ALX4: variants seen among roughly 807,000 people sequenced by gnomAD.
ALX4 encodes ALX homeobox 4.
ALX4 carries 22 observed loss-of-function variants against 40.6 expected under a neutral mutation model. The observed-to-expected ratio is 0.54, with a 90% CI of 0.39 to 0.77. The LOEUF (loss-of-function observed/expected upper bound fraction) is 0.77. Ranked by LOEUF, ALX4 falls within the 30% of genes least tolerant of loss-of-function variation. The pLI is 0.00. For missense variants in ALX4, 556 were observed against 564.8 expected, an observed-to-expected ratio of 0.98 and a Z score of 0.16; for synonymous variants, 266 against 240.5, an observed-to-expected ratio of 1.11 and a Z score of -0.98.
chr11:44,272,205 G>A (rs78545593), intron 2 of ALX4, among the ~76,000 whole-genome samples: 5,995 of 152,280 alleles, frequency 0.039, 147 homozygotes, highest in African/African-American at 0.045. Context: ...GGCACTGGAG[G>A]GGAATAAAAT....
Position 44,293,166 on chromosome 11 carries a change from A to AG in ALX4, c.466+16430dup, listed in dbSNP as rs1956381736. ...AAGGAAGGAAGGAAGGAAGGAAGGA[A>AG]GGAAGCAGGCAGGCAGGGAGGGAGG... On this transcript the variant is annotated intron_variant, in intron 1 of 3. Coordinates refer to ENST00000652299, the MANE Select transcript of ALX4 (RefSeq NM_021926.4). Among the ~76,000 whole-genome samples, 3 of 11,856 alleles carry AG rather than the reference A, an allele frequency of 2.5e-4. 1 individual carries two copies. The highest frequency in any genetic ancestry group is 4.6e-4 in the Non-Finnish European group (3 of 6,520). The allele number at this position is 11,856 out of a possible 152,430, so 7.8% of individuals were successfully genotyped here. A position where few individuals can be genotyped will look rare whatever the true frequency, so the allele number is the denominator to read the frequency against.
intron 1 of ALX4, among the ~76,000 whole-genome samples, chr11:44,283,944 G>C (rs1327739944): frequency 6.6e-6 from 1 of 152,154 alleles, no homozygotes; most frequent in Non-Finnish European, 1.5e-5. Context: ...GAATATATCT[G>C]AACATGTGTG....
In ALX4 at chr11:44,288,980, C is replaced by G. The variant is rs548382358; in HGVS notation, c.467-13322G>C. 3.3e-5 allele frequency among the ~76,000 whole-genome samples: 5 copies of G among 152,302 alleles called. No individual in the cohort carries two copies. In the South Asian group the frequency reaches 1.0e-3, roughly 32 times the overall value. On this transcript the variant is annotated intron_variant, in intron 1 of 3. Coordinates refer to ENST00000652299, the MANE Select transcript of ALX4 (RefSeq NM_021926.4). ...GTCTGGAATTTGTCTTTCCTGTTCT[C>G]TCCCCCACCCTGTGTCTTGCCTTAC... is the stretch of plus-strand genomic sequence containing the variant.
chr11:44,304,439 C>A (rs1956454356), intron 1 of ALX4, among the ~76,000 whole-genome samples: 1 of 152,166 alleles, frequency 6.6e-6, no homozygotes, highest in East Asian at 1.9e-4. Context: ...CATACACTCC[C>A]CTACCCACCC....
At chr11:44,274,204 G>T (rs926100341) in intron 2 of ALX4, among the ~76,000 whole-genome samples, 1 of 152,186 alleles carries the variant, frequency 6.6e-6, no homozygotes, top group Non-Finnish European at 1.5e-5. Flanking sequence ...TGTAACAAAA[G>T]GTGAGCTGGT....
chr11:44,269,259 G>A (rs1191731241), intron 2 of ALX4, among the ~76,000 whole-genome samples: 2 of 152,244 alleles, frequency 1.3e-5, no homozygotes, highest in Admixed American at 6.5e-5. Context: ...TCTGCATGGC[G>A]AATGGTACCT....
intron 1 of ALX4, among the ~76,000 whole-genome samples, chr11:44,276,552 T>G (rs963483989): frequency 4.6e-5 from 7 of 151,824 alleles, no homozygotes; most frequent in Non-Finnish European, 1.5e-5. Flanking sequence ...GAGGCTGGGG[T>G]GGGAGAGTGA....
intron 2 of ALX4, among the ~76,000 whole-genome samples, chr11:44,274,233 G>T (rs1430463953): frequency 6.6e-6 from 1 of 152,160 alleles, no homozygotes; most frequent in Admixed American, 6.5e-5. Flanking sequence ...GTTGTGTTGG[G>T]TTGGGTTGAG....
intron 3 of ALX4, among the ~76,000 whole-genome samples, 178 bp from the exon 4 acceptor site, chr11:44,265,361 G>A (rs1013944231): frequency 6.6e-6 from 1 of 152,094 alleles, no homozygotes; most frequent in Non-Finnish European, 1.5e-5. Context: ...TTACACCTTG[G>A]CATCTCTGTT....
rs104894197 is a variant in ALX4 at position 44,275,505 on chromosome 11, G to A, written c.620C>T (p.Ser207Leu). 1.1e-5 allele frequency: 17 copies of A among 1,614,022 alleles called. No homozygotes were observed. The highest frequency in any genetic ancestry group is 2.2e-5 in the East Asian group (1 of 44,866). The change falls in exon 2 of 4, where the codon TCA (serine) becomes TTA (leucine). Residue 207 changes from serine (S) to leucine (L), a missense_variant. Transcript: ENST00000652299. ...CCGCTTCTTGCCCTTGTTGCTCTCT[G>A]AGTCGGCCTTCTCCAATGGGCTGGG... ...DLPSPLEKAD[S>L]ESNKGKKRRN... is the part of the protein sequence containing the mutation.
In ALX4 at chr11:44,260,826, AAT is replaced by A. The variant is rs2135302064; in HGVS notation, c.*4026_*4027del. ...AAAAGTTGCATTTATACAGGGTTAA[AAT>A]ATCTTACAATGAGAACAATAAGTAA... is the stretch of plus-strand genomic sequence containing the variant. On this transcript the variant is annotated 3_prime_UTR_variant, in exon 4 of 4. Transcript: ENST00000652299. The A allele has an allele frequency of 6.6e-6, 1 of 152,292 alleles. No homozygotes were observed. The highest frequency in any genetic ancestry group is 2.1e-4 in the South Asian group (1 of 4,826). The allele number at this position is 152,292 out of a possible 1,614,324, so 9.4% of individuals were successfully genotyped here.
At chr11:44,269,504 G>A (rs1482956342) in intron 2 of ALX4, among the ~76,000 whole-genome samples, 2 of 152,226 alleles carry the variant, frequency 1.3e-5, no homozygotes, top group Non-Finnish European at 2.9e-5. Context: ...CTAATCCTAA[G>A]CATGTGTGTG....
intron 2 of ALX4, among the ~76,000 whole-genome samples, chr11:44,273,893 C>T (rs1018331918): frequency 2.0e-5 from 3 of 152,118 alleles, no homozygotes; most frequent in Non-Finnish European, 4.4e-5. Flanking sequence ...GTTAAGGCTA[C>T]AGTGAGCCAT....
intron 1 of ALX4, among the ~76,000 whole-genome samples, chr11:44,307,430 C>CA (rs1375954026): frequency 6.6e-6 from 1 of 152,176 alleles, no homozygotes; most frequent in African/African-American, 2.4e-5. Context: ...CCCAGCAGGA[C>CA]ACAGAGAGAG....
intron 1 of ALX4, among the ~76,000 whole-genome samples, chr11:44,281,487 T>G (rs905578959): frequency 6.6e-6 from 1 of 152,060 alleles, no homozygotes; most frequent in African/African-American, 2.4e-5. Flanking sequence ...TGATTACATC[T>G]ATTTTTCCTC....
rs1377366913 is a variant in ALX4, at chr11:44,275,582, A to G, written c.543T>C (p.Ser181=). Residue 181 remains serine, a synonymous_variant, in exon 2 of 4, where the codon AGT becomes AGC. Coordinates refer to ENST00000652299, the MANE Select transcript of ALX4 (RefSeq NM_021926.4). ...GCCCCTTCACCCCAGCCTCCTTGACACTCAGGTAGCTGCTGTCCATCCCCA... is the reference window on the plus strand; with the variant it reads ...GCCCCTTCACCCCAGCCTCCTTGACGCTCAGGTAGCTGCTGTCCATCCCCA... ...DTVGMDSSYL[S]VKEAGVKGPQ... 1.4e-5 allele frequency: 23 copies of G among 1,613,722 alleles called. No homozygotes were observed. Among genetic ancestry groups the G allele is most frequent in the Non-Finnish European group, 1.9e-5 (22 of 1,179,930 alleles).
intron 1 of ALX4, among the ~76,000 whole-genome samples, chr11:44,275,932 C>G (rs1033015233): frequency 2.0e-5 from 3 of 152,208 alleles, no homozygotes; most frequent in Non-Finnish European, 2.9e-5. Flanking sequence ...CCTAAGGCAG[C>G]CAATCTGACC....
At position 44,263,858 on chromosome 11, in the gene ALX4, G is replaced by A. The variant is rs1956196453; in HGVS notation, c.*996C>T. 6.6e-6 allele frequency: 1 copy of A among 152,404 alleles called. No individual in the cohort carries two copies. Among genetic ancestry groups the A allele is most frequent in the African/African-American group, 2.4e-5 (1 of 41,470 alleles). 9.4% of individuals were successfully genotyped at this position (152,404 alleles called of 1,614,324 possible). On this transcript the variant is annotated 3_prime_UTR_variant, in exon 4 of 4. Transcript: ENST00000652299. ...CACTGCTGAGCAGCCCCAGGGAGGGGCCAGGGTAGGGCAGGGAAGAGACGA... is the reference window on the plus strand; with the variant it reads ...CACTGCTGAGCAGCCCCAGGGAGGGACCAGGGTAGGGCAGGGAAGAGACGA...
At chr11:44,286,048 A>G (rs1458958757) in intron 1 of ALX4, among the ~76,000 whole-genome samples, 1 of 152,230 alleles carries the variant, frequency 6.6e-6, no homozygotes, top group East Asian at 1.9e-4. Context: ...CTGCAGGCAC[A>G]GCTGAGGGTG....
Sources: gnomAD v4.1 joint callset for allele counts (sites outside exome capture counted in the v4.1 genomes callset) on GRCh38, gnomAD v4.1.1 for gene constraint, MANE v1.5 for transcripts, NCBI Gene and HGNC (gene_info 2026-07-23, HGNC 2026-07-21) for gene names.